The following ZNF804B variants were observed in gnomAD, a reference collection of about 807,000 sequenced individuals.
The protein encoded by ZNF804B is zinc finger 804B.
In ZNF804B, 80 loss-of-function variants were observed where a neutral mutation model predicts 101.4. The observed-to-expected ratio is 0.79, with a 90% CI of 0.66 to 0.95. The LOEUF is 0.95. ZNF804B is among the 40% of genes least tolerant of loss of function. The pLI, the probability that ZNF804B is intolerant of heterozygous loss-of-function variation, is 0.00. For missense variants in ZNF804B, 1,673 were observed against 1,561.9 expected (o/e 1.07, Z -1.20); for synonymous variants, 622 against 558.8 (o/e 1.11, Z -1.59).
chr7:89,323,483 G>T (rs1270148534), intron 2 of ZNF804B, among the ~76,000 whole-genome samples: 1 of 152,080 alleles, frequency 6.6e-6, no homozygotes, highest in Non-Finnish European at 1.5e-5. Context: ...ATGCATAGAA[G>T]TTATTCACTA....
chr7:89,159,343 G>A (rs1791023923), intron 1 of ZNF804B, among the ~76,000 whole-genome samples: 1 of 152,136 alleles, frequency 6.6e-6, no homozygotes, highest in African/African-American at 2.4e-5. Context: ...GTGTTAAAGA[G>A]ACCCTGTTAA....
intron 1 of ZNF804B, among the ~76,000 whole-genome samples, chr7:89,051,370 A>G (rs755965773): frequency 1.1e-4 from 16 of 152,164 alleles, no homozygotes; most frequent in Non-Finnish European, 1.8e-4. Flanking sequence ...ACTATTACCA[A>G]GTGATTTAAA....
chr7:89,306,974 C>G (rs1190126257), intron 2 of ZNF804B, among the ~76,000 whole-genome samples: 1 of 151,888 alleles, frequency 6.6e-6, no homozygotes, highest in Non-Finnish European at 1.5e-5. Flanking sequence ...AATGTAATTG[C>G]TATTGCCAAA....
At chr7:89,251,035 G>T (rs186199856) in intron 2 of ZNF804B, among the ~76,000 whole-genome samples, 2 of 152,216 alleles carry the variant, frequency 1.3e-5, no homozygotes, top group Admixed American at 1.3e-4. Context: ...CTGGAACAAG[G>T]CAAGAATGCC....
At chr7:88,825,935 A>T (rs1203540517) in intron 1 of ZNF804B, among the ~76,000 whole-genome samples, 3 of 152,106 alleles carry the variant, frequency 2.0e-5, no homozygotes. Context: ...TTCCTATTTT[A>T]TTTGTACATT....
intron 1 of ZNF804B, among the ~76,000 whole-genome samples, chr7:89,003,415 A>G (rs767681287): frequency 2.6e-5 from 4 of 151,950 alleles, no homozygotes; most frequent in African/African-American, 9.7e-5. Flanking sequence ...ACAGTGGGAT[A>G]ATGTGTGATC....
chr7:88,923,574 A>G (rs1387576088), intron 1 of ZNF804B, among the ~76,000 whole-genome samples: 3 of 152,116 alleles, frequency 2.0e-5, no homozygotes, highest in Admixed American at 6.6e-5. Flanking sequence ...AGACAAAAAT[A>G]TGGTTGACAA....
At chr7:88,904,819 A>C (rs1353897682) in intron 1 of ZNF804B, among the ~76,000 whole-genome samples, 6 of 152,204 alleles carry the variant, frequency 3.9e-5, no homozygotes, top group Admixed American at 2.0e-4. Context: ...AACATTACAA[A>C]AGATGTGTAT....
At chr7:89,284,658 G>C (rs956359468) in intron 2 of ZNF804B, among the ~76,000 whole-genome samples, 5 of 152,098 alleles carry the variant, frequency 3.3e-5, no homozygotes, top group Non-Finnish European at 7.4e-5. Flanking sequence ...ACTTTTATGT[G>C]GGGGCAGGAT....
At chr7:89,328,649 ATTG>A (rs1386635206) in intron 3 of ZNF804B, among the ~76,000 whole-genome samples, 8 of 151,830 alleles carry the variant, frequency 5.3e-5, no homozygotes, top group African/African-American at 1.9e-4. Flanking sequence ...GAAAAGTTCT[ATTG>A]TTGTTAGGGT....
intron 1 of ZNF804B, among the ~76,000 whole-genome samples, chr7:89,187,777 A>G (rs1788395660): frequency 6.6e-6 from 1 of 152,180 alleles, no homozygotes; most frequent in Admixed American, 6.6e-5. Context: ...TTTCTCCTCA[A>G]ACATAACTTT....
At chr7:88,816,387 C>T (rs1790877979) in intron 1 of ZNF804B, among the ~76,000 whole-genome samples, 1 of 152,132 alleles carries the variant, frequency 6.6e-6, no homozygotes, top group Non-Finnish European at 1.5e-5. Flanking sequence ...CAAATGGGAT[C>T]TAATTAAACT....
chr7:88,954,416 T>G (rs77569554), intron 1 of ZNF804B, among the ~76,000 whole-genome samples: 333 of 151,858 alleles, frequency 2.2e-3, no homozygotes, highest in Middle Eastern at 0.014. Flanking sequence ...TGTATTCATA[T>G]TGCTCATTGT....
chr7:89,043,927 C>T (rs1444129919), intron 1 of ZNF804B, among the ~76,000 whole-genome samples: 1 of 151,968 alleles, frequency 6.6e-6, no homozygotes, highest in Non-Finnish European at 1.5e-5. Flanking sequence ...GAAAAGAAAA[C>T]ATCAAAAGAG....
rs1554389597 is a variant in ZNF804B at position 89,285,546 on chromosome 7, A to AAAAAAAAAAG, written c.250-41796_250-41795insAAAAAAAGAA. 3.7e-4 allele frequency among the ~76,000 whole-genome samples: 35 copies of AAAAAAAAAAG among 93,440 alleles called. 1 individual carries two copies. Among genetic ancestry groups the AAAAAAAAAAG allele is most frequent in the Non-Finnish European group, 5.6e-4 (27 of 48,314 alleles). 61.3% of individuals were successfully genotyped at this position (93,440 alleles called of 152,430 possible). A position where few individuals can be genotyped will look rare whatever the true frequency, so the allele number is the denominator to read the frequency against. ...TCAAAAAAAAAAAAAAAAAAAAAAA[A>AAAAAAAAAAG]AAGAAGAAGAAGAAGAAGAAGAAGA... On this transcript the variant is annotated intron_variant, in intron 2 of 3. Coordinates refer to ENST00000333190, the MANE Select transcript of ZNF804B (RefSeq NM_181646.5).
intron 1 of ZNF804B, among the ~76,000 whole-genome samples, chr7:89,007,248 C>A (rs1788379828): frequency 6.6e-6 from 1 of 151,486 alleles, no homozygotes; most frequent in Admixed American, 6.6e-5. Flanking sequence ...GAGATTCCAT[C>A]TCTTAATTAC....
chr7:89,276,400 T>C (rs1366656064), intron 2 of ZNF804B, among the ~76,000 whole-genome samples: 5 of 151,892 alleles, frequency 3.3e-5, no homozygotes. Flanking sequence ...TATATAAGTT[T>C]AGTGTTACAC....
intron 2 of ZNF804B, among the ~76,000 whole-genome samples, chr7:89,308,754 G>C (rs1790605966): frequency 6.6e-6 from 1 of 152,066 alleles, no homozygotes; most frequent in Non-Finnish European, 1.5e-5. Flanking sequence ...AATATTTTCA[G>C]TTTTGCAGCT....
intron 1 of ZNF804B, among the ~76,000 whole-genome samples, chr7:89,071,691 A>T (rs1789543094): frequency 6.6e-6 from 1 of 152,134 alleles, no homozygotes; most frequent in Admixed American, 6.6e-5. Context: ...AATTTTAACA[A>T]AAGGAAATAT....
Sources: gnomAD v4.1 joint callset for allele counts (sites outside exome capture counted in the v4.1 genomes callset) on GRCh38, gnomAD v4.1.1 for gene constraint, MANE v1.5 for transcripts, NCBI Gene and HGNC (gene_info 2026-07-23, HGNC 2026-07-21) for gene names.